GYPC: variants seen among roughly 807,000 people sequenced by gnomAD.
GYPC encodes glycophorin C (Gerbich blood group).
A neutral mutation model predicts 12.6 loss-of-function variants in GYPC; 14 were observed. The observed-to-expected ratio is 1.11, with a 90% CI of 0.74 to 1.74. GYPC has a LOEUF of 1.74. Among genes scored for constraint, GYPC ranks in the 40% most tolerant of loss-of-function variants. The pLI is 0.00. For synonymous variants in GYPC, 78 were observed against 62.1 expected (o/e 1.26, Z -1.20); for missense variants, 225 against 172.1 (o/e 1.31, Z -1.72).
chr2:126,669,408 C>G (rs1371183139), intron 1 of GYPC, among the ~76,000 whole-genome samples: 1 of 152,122 alleles, frequency 6.6e-6, no homozygotes, highest in East Asian at 1.9e-4. Flanking sequence ...CCTAGTCTAT[C>G]TCTTAATCCC....
intron 1 of GYPC, among the ~76,000 whole-genome samples, chr2:126,668,007 C>G (rs552703863): frequency 6.6e-6 from 1 of 152,298 alleles, no homozygotes; most frequent in East Asian, 1.9e-4. Flanking sequence ...ATTAGAGACA[C>G]GTGGCCCAGC....
At chr2:126,677,651 C>T (rs1047692373) in intron 1 of GYPC, among the ~76,000 whole-genome samples, 11 of 152,022 alleles carry the variant, frequency 7.2e-5, no homozygotes, top group African/African-American at 1.5e-4. Flanking sequence ...GGCAACACCC[C>T]GAGAGCCACA....
At chr2:126,667,340 G>A (rs891147578) in intron 1 of GYPC, among the ~76,000 whole-genome samples, 2 of 151,838 alleles carry the variant, frequency 1.3e-5, no homozygotes, top group Admixed American at 1.3e-4. Context: ...AAATATTTGG[G>A]TCAGTTTCCA....
chr2:126,675,614 C>T, intron 1 of GYPC: 4 of 826,396 alleles, frequency 4.8e-6, no homozygotes, highest in Non-Finnish European at 5.8e-6. Context: ...CCATCCCTAC[C>T]CTGCTTCAAA....
chr2:126,676,160 T>C (rs1462183011), intron 1 of GYPC, among the ~76,000 whole-genome samples: 1 of 152,246 alleles, frequency 6.6e-6, no homozygotes, highest in Admixed American at 6.5e-5. Flanking sequence ...TTCACTCTGT[T>C]ACTTGGTTTG....
At chr2:126,688,572 A>G (rs1683357544) in intron 1 of GYPC, among the ~76,000 whole-genome samples, 1 of 152,064 alleles carries the variant, frequency 6.6e-6, no homozygotes, top group Non-Finnish European at 1.5e-5. Context: ...TGGATCCTCT[A>G]CCCTGCCTGG....
intron 1 of GYPC, among the ~76,000 whole-genome samples, chr2:126,688,273 G>C (rs554846455): frequency 6.6e-6 from 1 of 152,154 alleles, no homozygotes; most frequent in Non-Finnish European, 1.5e-5. Context: ...GCAGTTCTGG[G>C]TATTTGAGCT....
In GYPC at chr2:126,672,752, G is replaced by A. The variant is rs368773197; in HGVS notation, c.49+16440G>A. ...GAACTGTGAAAGGAGGTGGATAAGG[G>A]AGGTCTCGACCTGATGCTTCTAGGT... On this transcript the variant is annotated intron_variant, in intron 1 of 3. Transcript: ENST00000259254. Among the ~76,000 whole-genome samples, 51 of 152,280 alleles carry A rather than the reference G, an allele frequency of 3.3e-4. 2 individuals are homozygous for A. The South Asian group carries it at 0.01, about 31-fold the overall frequency.
chr2:126,684,998 G>T (rs1233466879), intron 1 of GYPC, among the ~76,000 whole-genome samples: 1 of 152,142 alleles, frequency 6.6e-6, no homozygotes, highest in Non-Finnish European at 1.5e-5. Context: ...ACACTGGCTG[G>T]CTTCTAGGAG....
At chr2:126,675,307 T>C (rs1220520570) in intron 1 of GYPC, among the ~76,000 whole-genome samples, 4 of 152,238 alleles carry the variant, frequency 2.6e-5, no homozygotes, top group Non-Finnish European at 4.4e-5. Context: ...TAATTTTTAA[T>C]ACTTTACTGT....
intron 1 of GYPC, among the ~76,000 whole-genome samples, chr2:126,672,841 C>T (rs951112891): frequency 2.6e-5 from 4 of 152,130 alleles, no homozygotes; most frequent in African/African-American, 9.7e-5. Context: ...CCCACACTTC[C>T]CTGGCACAAT....
intron 1 of GYPC, among the ~76,000 whole-genome samples, chr2:126,685,541 T>C (rs1055860287): frequency 2.0e-5 from 3 of 152,110 alleles, no homozygotes; most frequent in African/African-American, 4.8e-5. Flanking sequence ...CCCGCCAGCA[T>C]GCCCAACTAA....
chr2:126,663,361 A>G (rs929369232), intron 1 of GYPC, among the ~76,000 whole-genome samples: 1 of 152,212 alleles, frequency 6.6e-6, no homozygotes, highest in Non-Finnish European at 1.5e-5. Context: ...TCCAAGAGTC[A>G]GCACTGCGGT....
chr2:126,660,501 G>A (rs550297182), intron 1 of GYPC, among the ~76,000 whole-genome samples: 5 of 152,144 alleles, frequency 3.3e-5, no homozygotes, highest in Non-Finnish European at 7.4e-5. Flanking sequence ...CCTAGAAAAC[G>A]ACCCACCACA....
At chr2:126,688,063 G>T (rs1192369625) in intron 1 of GYPC, among the ~76,000 whole-genome samples, 1 of 152,142 alleles carries the variant, frequency 6.6e-6, no homozygotes, top group African/African-American at 2.4e-5. Context: ...TGGAAAATGG[G>T]GCTAATAATA....
At chr2:126,666,466 G>A (rs1682681734) in intron 1 of GYPC, among the ~76,000 whole-genome samples, 2 of 152,084 alleles carry the variant, frequency 1.3e-5, no homozygotes, top group Admixed American at 6.5e-5. Context: ...TCCCTCTTTT[G>A]CAGGTAAATA....
intron 3 of GYPC, among the ~76,000 whole-genome samples, chr2:126,695,039 T>C (rs1453520908): frequency 6.6e-6 from 1 of 152,148 alleles, no homozygotes; most frequent in Non-Finnish European, 1.5e-5. Context: ...GTCCTTTGTG[T>C]GGCCAAGTCC....
intron 1 of GYPC, among the ~76,000 whole-genome samples, chr2:126,682,115 A>C (rs1422363706): frequency 2.6e-5 from 4 of 152,344 alleles, no homozygotes; most frequent in Admixed American, 6.5e-5. Flanking sequence ...CAAGTCAAGC[A>C]GATGCTGATT....
intron 1 of GYPC, among the ~76,000 whole-genome samples, chr2:126,663,188 C>T (rs1682582934): frequency 6.6e-6 from 1 of 152,184 alleles, no homozygotes; most frequent in Admixed American, 6.5e-5. Flanking sequence ...CAGACATGTG[C>T]CACCACGCCC....
Sources: allele counts gnomAD v4.1 joint callset (sites outside exome capture counted in the v4.1 genomes callset), GRCh38; gene constraint gnomAD v4.1.1; transcripts MANE v1.5; gene names NCBI Gene and HGNC (gene_info 2026-07-23, HGNC 2026-07-21).